C3orf80: variants seen among roughly 807,000 people sequenced by gnomAD.
C3orf80 encodes the protein chromosome 3 open reading frame 80, also known as uncharacterized membrane protein C3orf80.
In C3orf80, 10 loss-of-function variants were observed where a neutral mutation model predicts 15.8. The ratio of observed to expected loss-of-function variants is 0.63; its 90% CI spans 0.39 to 1.07. The LOEUF (loss-of-function observed/expected upper bound fraction) is 1.07. Ranked by LOEUF, C3orf80 falls within the 50% of genes least tolerant of loss-of-function variation. The pLI, the probability that C3orf80 is intolerant of heterozygous loss-of-function variation, is 0.01. For synonymous variants in C3orf80, 183 were observed against 192.0 expected (o/e 0.95, Z 0.39); for missense variants, 364 against 379.3 (o/e 0.96, Z 0.34).
chr3:160,226,724 T>C lies in C3orf80; in HGVS notation c.*345T>C. 4.1e-6 allele frequency: 1 copy of C among 246,074 alleles called. No homozygotes were observed. Among genetic ancestry groups the C allele is most frequent in the Non-Finnish European group, 7.8e-6 (1 of 128,596 alleles). The allele number at this position is 246,074 out of a possible 1,614,324, so 15.2% of individuals were successfully genotyped here. On this transcript the variant is annotated 3_prime_UTR_variant, in exon 1 of 1. Transcript: ENST00000326474. This position sits in a 1 kb window ranked among gnomAD's most constrained non-coding sequence, Gnocchi z 5.2. ...CTAGTCAAAGAGAACACGTGAGCCC[T>C]TTGGTGCGTCGAGAGAAGGGCGGTC...
Position 160,225,682 on chromosome 3 carries a change from C to T in C3orf80, c.47C>T (p.Ala16Val). The T allele has an allele frequency of 7.2e-7, 1 of 1,394,584 alleles. No homozygotes were observed. Among genetic ancestry groups the T allele is most frequent in the Non-Finnish European group, 9.3e-7 (1 of 1,079,846 alleles). The allele number at this position is 1,394,584 out of a possible 1,614,324, so 86.4% of individuals were successfully genotyped here. A position where few individuals can be genotyped will look rare whatever the true frequency, so the allele number is the denominator to read the frequency against. The change falls in exon 1 of 1, where the codon GCG becomes GTG. Residue 16 changes from alanine (A) to valine (V), a missense_variant. By Grantham distance (64) the Ala-to-Val change is moderately conservative (BLOSUM62 0). Coordinates refer to ENST00000326474, the MANE Select transcript of C3orf80 (RefSeq NM_001168214.2). This position sits in a 1 kb window ranked among gnomAD's most constrained non-coding sequence, Gnocchi z 5.6. The part of the protein sequence containing the change: ...VTAEGLSVAP[A>V]PPPLLPLLLL... Reference sequence around the variant, plus strand: ...GCTGAGGGCCTGTCGGTGGCTCCGGCGCCGCCGCCTCTGCTGCCGCTGCTG... The same window carrying T: ...GCTGAGGGCCTGTCGGTGGCTCCGGTGCCGCCGCCTCTGCTGCCGCTGCTG...
chr3:160,225,755 C>T lies in C3orf80; in HGVS notation c.120C>T (p.Gly40=). ...ALVAPSRGGG[G]CAELACGERE... ...TGGCGCCCTCGCGGGGCGGCGGGGG[C>T]TGCGCTGAGCTGGCGTGCGGCGAGC... Residue 40 remains glycine (G), a synonymous_variant, in exon 1 of 1, where the codon GGC becomes GGT. Coordinates refer to ENST00000326474, the MANE Select transcript of C3orf80 (RefSeq NM_001168214.2). This position sits in a 1 kb window ranked among gnomAD's most constrained non-coding sequence, Gnocchi z 5.6. 7.1e-7 allele frequency: 1 copy of T among 1,398,968 alleles called. No homozygotes were observed. Among genetic ancestry groups the T allele is most frequent in the Non-Finnish European group, 9.2e-7 (1 of 1,081,316 alleles). 86.7% of individuals were successfully genotyped at this position (1,398,968 alleles called of 1,614,324 possible).
In C3orf80 at chr3:160,226,660, T is replaced by G; in HGVS notation, c.*281T>G. 2.6e-6 allele frequency: 1 copy of G among 388,020 alleles called. No individual in the cohort carries two copies. Among genetic ancestry groups the G allele is most frequent in the Admixed American group, 4.6e-5 (1 of 21,872 alleles). The allele number at this position is 388,020 out of a possible 1,614,324, so 24.0% of individuals were successfully genotyped here. On this transcript the variant is annotated 3_prime_UTR_variant, in exon 1 of 1. Transcript: ENST00000326474. The surrounding 1 kb of genome is among the most constrained non-coding windows in gnomAD (Gnocchi z 5.2). Reference sequence around the variant, plus strand: ...TCGAAGGACGTCCCTGCCCTCTGCCTTGCCTCGTATTGTGGTTCACTAGTA... The same window carrying G: ...TCGAAGGACGTCCCTGCCCTCTGCCGTGCCTCGTATTGTGGTTCACTAGTA...
chr3:160,226,361 C>A lies in C3orf80; in HGVS notation c.726C>A (p.Gly242=). 1.3e-6 allele frequency: 2 copies of A among 1,485,380 alleles called. No homozygotes were observed. The highest frequency in any genetic ancestry group is 1.8e-6 in the Non-Finnish European group (2 of 1,122,830). The allele number at this position is 1,485,380 out of a possible 1,614,324, so 92.0% of individuals were successfully genotyped here. A position where few individuals can be genotyped will look rare whatever the true frequency, so the allele number is the denominator to read the frequency against. ...CCGCGGAGCCCGACGGCGGCGAGGG[C>A]CGCTACCCTCTTATCTGAGCGCTCG... ...GVAAEPDGGE[G]RYPLI The change falls in exon 1 of 1, where the codon GGC becomes GGA. Residue 242 remains glycine (G), a synonymous_variant. Transcript: ENST00000326474. The surrounding 1 kb of genome is among the most constrained non-coding windows in gnomAD (Gnocchi z 5.2).
chr3:160,226,207 T>A lies in C3orf80; in HGVS notation c.572T>A (p.Leu191Gln). 1 of 1,530,818 alleles carries A rather than the reference T, an allele frequency of 6.5e-7. No individual in the cohort carries two copies. The highest frequency in any genetic ancestry group is 8.7e-7 in the Non-Finnish European group (1 of 1,144,640). 94.8% of individuals were successfully genotyped at this position (1,530,818 alleles called of 1,614,324 possible). Residue 191 changes from leucine to glutamine, a missense_variant, in exon 1 of 1, where the codon CTG (leucine) becomes CAG (glutamine). Coordinates refer to ENST00000326474, the MANE Select transcript of C3orf80 (RefSeq NM_001168214.2). The surrounding 1 kb of genome is among the most constrained non-coding windows in gnomAD (Gnocchi z 5.2). ...ATGCGTGTAGTGTCGCCGGTCTTCCTGCAGCTGCCCAGCTACGAGGAGGTC... is the reference window on the plus strand; with the variant it reads ...ATGCGTGTAGTGTCGCCGGTCTTCCAGCAGCTGCCCAGCTACGAGGAGGTC... ...HEMRVVSPVF[L>Q]QLPSYEEVKY... is the part of the protein sequence containing the mutation.
In C3orf80 at chr3:160,227,153, AT is replaced by A; in HGVS notation, c.*779del. On this transcript the variant is annotated 3_prime_UTR_variant, in exon 1 of 1. Coordinates refer to ENST00000326474, the MANE Select transcript of C3orf80 (RefSeq NM_001168214.2). ...ATATTTATTTGTCTTTTATTCTAAT[AT>A]TTTTACCATGCATTGAACGCAACAG... 1 of 152,240 alleles carries A rather than the reference AT, an allele frequency of 6.6e-6. No individual in the cohort carries two copies. Among genetic ancestry groups the A allele is most frequent in the South Asian group, 2.1e-4 (1 of 4,822 alleles). The allele number at this position is 152,240 out of a possible 1,614,324, so 9.4% of individuals were successfully genotyped here. A position where few individuals can be genotyped will look rare whatever the true frequency, so the allele number is the denominator to read the frequency against.
In C3orf80 at chr3:160,226,049, C is replaced by T. The variant is rs1022575775; in HGVS notation, c.414C>T (p.Asp138=). 8 of 1,412,832 alleles carry T rather than the reference C, an allele frequency of 5.7e-6. No individual in the cohort carries two copies. In the Admixed American group the frequency reaches 2.0e-4, roughly 35 times the overall value. 87.5% of individuals were successfully genotyped at this position (1,412,832 alleles called of 1,614,324 possible). A position where few individuals can be genotyped will look rare whatever the true frequency, so the allele number is the denominator to read the frequency against. Residue 138 remains aspartate (D), a synonymous_variant, in exon 1 of 1, where the codon GAC becomes GAT. Transcript: ENST00000326474. This position sits in a 1 kb window ranked among gnomAD's most constrained non-coding sequence, Gnocchi z 5.2. ...GGGGCGCGGGGCCGCCCGACGACGA[C>T]GACGACTCGCCCGCTCTGCTGCGCG... is the stretch of plus-strand genomic sequence containing the variant. ...PLGGAGPPDD[D]DDSPALLRDE... is the part of the protein sequence containing the mutation.
Position 160,225,842 on chromosome 3 carries a change from C to A in C3orf80, c.207C>A (p.His69Gln). Residue 69 changes from histidine (H) to glutamine (Q), a missense_variant, in exon 1 of 1, where the codon CAC becomes CAA. His to Gln is a conservative substitution (Grantham distance 24). Coordinates refer to ENST00000326474, the MANE Select transcript of C3orf80 (RefSeq NM_001168214.2). This position sits in a 1 kb window ranked among gnomAD's most constrained non-coding sequence, Gnocchi z 5.6. The stretch of plus-strand genomic sequence containing the variant: ...TGCGCTGCTGCAAGCTGCCGCTGCA[C>A]GCCTTCCTGGACAACGTGGGCTGGT... ...TAVRCCKLPL[H>Q]AFLDNVGWFV... The A allele has an allele frequency of 6.7e-7, 1 of 1,484,422 alleles. No homozygotes were observed. Among genetic ancestry groups the A allele is most frequent in the Non-Finnish European group, 8.9e-7 (1 of 1,122,234 alleles). The allele number at this position is 1,484,422 out of a possible 1,614,324, so 92.0% of individuals were successfully genotyped here.
At position 160,226,349 on chromosome 3, in the gene C3orf80, C is replaced by G; in HGVS notation, c.714C>G (p.Asp238Glu). 1 of 1,494,218 alleles carries G rather than the reference C, an allele frequency of 6.7e-7. No homozygotes were observed. The highest frequency in any genetic ancestry group is 8.9e-7 in the Non-Finnish European group (1 of 1,126,840). 92.6% of individuals were successfully genotyped at this position (1,494,218 alleles called of 1,614,324 possible). A position where few individuals can be genotyped will look rare whatever the true frequency, so the allele number is the denominator to read the frequency against. ...RPRGGVAAEP[D>E]GGEGRYPLI ...GAGGCGGGGTCGCCGCGGAGCCCGA[C>G]GGCGGCGAGGGCCGCTACCCTCTTA... Residue 238 changes from aspartate to glutamate, a missense_variant, in exon 1 of 1, where the codon GAC becomes GAG. Transcript: ENST00000326474. The surrounding 1 kb of genome is among the most constrained non-coding windows in gnomAD (Gnocchi z 5.2).
rs753949156 is a variant in C3orf80, at chr3:160,226,154, G to C, written c.519G>C (p.Ser173=). The C allele has an allele frequency of 6.6e-7, 1 of 1,522,494 alleles. No individual in the cohort carries two copies. Among genetic ancestry groups the C allele is most frequent in the South Asian group, 1.2e-5 (1 of 82,896 alleles). 94.3% of individuals were successfully genotyped at this position (1,522,494 alleles called of 1,614,324 possible). ...GGRGRGGGGR[S]DPSCASEHEM... ...GGGGCCGGGGAGGCGGCGGGCGCTC[G>C]GACCCCTCCTGCGCCTCAGAGCACG... The change falls in exon 1 of 1, where the codon TCG becomes TCC. Residue 173 remains serine (S), a synonymous_variant. Transcript: ENST00000326474. This position sits in a 1 kb window ranked among gnomAD's most constrained non-coding sequence, Gnocchi z 5.2.
In C3orf80 at chr3:160,227,388, AATAT is replaced by A. The variant is rs1308390871; in HGVS notation, c.*1012_*1015del. ...TATCTTATTTTCACTATTTGAGAAG[AATAT>A]ATTTTATTTTTAGTACTGTGGCATA... On this transcript the variant is annotated 3_prime_UTR_variant, in exon 1 of 1. Transcript: ENST00000326474. 6.6e-6 allele frequency: 1 copy of A among 152,218 alleles called. No individual in the cohort carries two copies. Among genetic ancestry groups the A allele is most frequent in the Non-Finnish European group, 1.5e-5 (1 of 68,028 alleles). 9.4% of individuals were successfully genotyped at this position (152,218 alleles called of 1,614,324 possible).
At position 160,226,642 on chromosome 3, in the gene C3orf80, A is replaced by T. The variant is rs1306247450; in HGVS notation, c.*263A>T. The T allele has an allele frequency of 9.0e-6, 4 of 442,118 alleles. No individual in the cohort carries two copies. The East Asian group carries it at 1.1e-4, about 12-fold the overall frequency. The allele number at this position is 442,118 out of a possible 1,614,324, so 27.4% of individuals were successfully genotyped here. On this transcript the variant is annotated 3_prime_UTR_variant, in exon 1 of 1. Transcript: ENST00000326474. The surrounding 1 kb of genome is among the most constrained non-coding windows in gnomAD (Gnocchi z 5.2). ...CGACCCTCCAGCGCACCTTCGAAGG[A>T]CGTCCCTGCCCTCTGCCTTGCCTCG...
At position 160,226,543 on chromosome 3, in the gene C3orf80, G is replaced by A. The variant is rs1437960845; in HGVS notation, c.*164G>A. The stretch of plus-strand genomic sequence containing the variant: ...ACTCGTCTCCCTCGCGTTCTCCCGG[G>A]ATCTTATGTTTCTCTGCGTTTCATT... On this transcript the variant is annotated 3_prime_UTR_variant, in exon 1 of 1. Coordinates refer to ENST00000326474, the MANE Select transcript of C3orf80 (RefSeq NM_001168214.2). This position sits in a 1 kb window ranked among gnomAD's most constrained non-coding sequence, Gnocchi z 5.2. 1.7e-5 allele frequency: 12 copies of A among 705,368 alleles called. No homozygotes were observed. Among genetic ancestry groups the A allele is most frequent in the Non-Finnish European group, 2.1e-6 (1 of 479,844 alleles). The allele number at this position is 705,368 out of a possible 1,614,324, so 43.7% of individuals were successfully genotyped here.
Position 160,227,590 on chromosome 3 carries a change from A to G in C3orf80, c.*1211A>G, listed in dbSNP as rs1362956688. ...CATTTGGAATACATTCCACAACATG[A>G]TCCAAAACATAAGAACTTACGACTT... On this transcript the variant is annotated 3_prime_UTR_variant, in exon 1 of 1. Coordinates refer to ENST00000326474, the MANE Select transcript of C3orf80 (RefSeq NM_001168214.2). 6.6e-6 allele frequency: 1 copy of G among 152,328 alleles called. No individual in the cohort carries two copies. Among genetic ancestry groups the G allele is most frequent in the South Asian group, 2.1e-4 (1 of 4,818 alleles). The allele number at this position is 152,328 out of a possible 1,614,324, so 9.4% of individuals were successfully genotyped here.
At position 160,225,962 on chromosome 3, in the gene C3orf80, C is replaced by A; in HGVS notation, c.327C>A (p.Tyr109Ter). 1.4e-6 allele frequency: 2 copies of A among 1,391,072 alleles called. No homozygotes were observed. Among genetic ancestry groups the A allele is most frequent in the Non-Finnish European group, 1.9e-6 (2 of 1,070,010 alleles). 86.2% of individuals were successfully genotyped at this position (1,391,072 alleles called of 1,614,324 possible). Residue 109 changes from tyrosine (Y) to a stop codon, truncating the protein, a stop_gained, in exon 1 of 1, where the codon TAC becomes TAA. Coordinates refer to ENST00000326474, the MANE Select transcript of C3orf80 (RefSeq NM_001168214.2). LOFTEE classifies it high-confidence loss of function. The surrounding 1 kb of genome is among the most constrained non-coding windows in gnomAD (Gnocchi z 5.6). ...QRIICPSPRR[Y>*]PRGQARPGQR... The stretch of plus-strand genomic sequence containing the variant: ...TCATCTGCCCCAGTCCACGCAGGTA[C>A]CCGCGCGGCCAGGCGCGCCCGGGAC...
Position 160,226,644 on chromosome 3 carries a change from G to T in C3orf80, c.*265G>T, listed in dbSNP as rs1711500629. ...ACCCTCCAGCGCACCTTCGAAGGACGTCCCTGCCCTCTGCCTTGCCTCGTA... is the reference window on the plus strand; with the variant it reads ...ACCCTCCAGCGCACCTTCGAAGGACTTCCCTGCCCTCTGCCTTGCCTCGTA... On this transcript the variant is annotated 3_prime_UTR_variant, in exon 1 of 1. Coordinates refer to ENST00000326474, the MANE Select transcript of C3orf80 (RefSeq NM_001168214.2). This position sits in a 1 kb window ranked among gnomAD's most constrained non-coding sequence, Gnocchi z 5.2. The T allele has an allele frequency of 4.6e-6, 2 of 430,256 alleles. No individual in the cohort carries two copies. The highest frequency in any genetic ancestry group is 1.1e-4 in the South Asian group (2 of 18,052). The allele number at this position is 430,256 out of a possible 1,614,324, so 26.7% of individuals were successfully genotyped here.
Position 160,225,544 on chromosome 3 carries a change from C to T in C3orf80, c.-92C>T. ...CGCGGGAGGCGGCGCGCGCGGGACCCGAGCGGAGCGCCGGGGAGGGGCCGA... is the reference window on the plus strand; with the variant it reads ...CGCGGGAGGCGGCGCGCGCGGGACCTGAGCGGAGCGCCGGGGAGGGGCCGA... On this transcript the variant is annotated 5_prime_UTR_variant, in exon 1 of 1. Coordinates refer to ENST00000326474, the MANE Select transcript of C3orf80 (RefSeq NM_001168214.2). This position sits in a 1 kb window ranked among gnomAD's most constrained non-coding sequence, Gnocchi z 5.6. 8.5e-7 allele frequency: 1 copy of T among 1,181,482 alleles called. No homozygotes were observed. The highest frequency in any genetic ancestry group is 1.1e-6 in the Non-Finnish European group (1 of 939,422). 73.2% of individuals were successfully genotyped at this position (1,181,482 alleles called of 1,614,324 possible).
rs1388535247 is a variant in C3orf80 at position 160,226,401 on chromosome 3, G to A, written c.*22G>A. ...CTGAGCGCTCGGGGATCGGCGGCTG[G>A]TGCAGGGCTGGGGGCTGCGGGTGGC... is the stretch of plus-strand genomic sequence containing the variant. On this transcript the variant is annotated 3_prime_UTR_variant, in exon 1 of 1. Transcript: ENST00000326474. The surrounding 1 kb of genome is among the most constrained non-coding windows in gnomAD (Gnocchi z 5.2). 3 of 1,420,064 alleles carry A rather than the reference G, an allele frequency of 2.1e-6. No homozygotes were observed. Among genetic ancestry groups the A allele is most frequent in the Non-Finnish European group, 2.7e-6 (3 of 1,091,950 alleles). 88.0% of individuals were successfully genotyped at this position (1,420,064 alleles called of 1,614,324 possible).
Position 160,226,022 on chromosome 3 carries a change from G to T in C3orf80, c.387G>T (p.Leu129=). The T allele has an allele frequency of 7.4e-7, 1 of 1,347,710 alleles. No homozygotes were observed. Among genetic ancestry groups the T allele is most frequent in the Non-Finnish European group, 9.5e-7 (1 of 1,057,012 alleles). The allele number at this position is 1,347,710 out of a possible 1,614,324, so 83.5% of individuals were successfully genotyped here. A position where few individuals can be genotyped will look rare whatever the true frequency, so the allele number is the denominator to read the frequency against. ...GGCCTCCGGGGGGCGCCGGACCGCT[G>T]GGGGGCGCGGGGCCGCCCGACGACG... ...RPGPPGGAGP[L]GGAGPPDDDD... The change falls in exon 1 of 1, where the codon CTG becomes CTT. Residue 129 remains leucine (L), a synonymous_variant. Transcript: ENST00000326474. This position sits in a 1 kb window ranked among gnomAD's most constrained non-coding sequence, Gnocchi z 5.2.
Sources: gnomAD v4.1 joint callset for allele counts on GRCh38, gnomAD v4.1.1 for gene constraint, Gnocchi (gnomAD v3.1) non-coding constraint, MANE v1.5 for transcripts, NCBI Gene and HGNC (gene_info 2026-07-23, HGNC 2026-07-21) for gene names.